RAPGEF4: variants seen among roughly 807,000 people sequenced by gnomAD.
The protein encoded by RAPGEF4 is Rap guanine nucleotide exchange factor 4.
Under a neutral mutation model 147.9 loss-of-function variants are expected in RAPGEF4, and 66 were observed. The ratio of observed to expected loss-of-function variants is 0.45; its 90% CI spans 0.37 to 0.55. The LOEUF (loss-of-function observed/expected upper bound fraction) is 0.55. Among genes scored for constraint, RAPGEF4 ranks in the 20% least tolerant of loss-of-function variants. RAPGEF4 has a pLI of 0.00. For synonymous variants in RAPGEF4, 419 were observed against 442.7 expected (o/e 0.95, Z 0.67); for missense variants, 1,071 against 1,257.3 (o/e 0.85, Z 2.24).
At chr2:172,746,595 C>A (rs1694793616) in intron 1 of RAPGEF4, among the ~76,000 whole-genome samples, 1 of 151,830 alleles carries the variant, frequency 6.6e-6, no homozygotes, top group African/African-American at 2.4e-5. Flanking sequence ...GGATGACTTG[C>A]TGTATAGAAA....
At chr2:172,896,577 A>ACCCCCC (rs569045502) in intron 4 of RAPGEF4, among the ~76,000 whole-genome samples, 1 of 135,790 alleles carries the variant, frequency 7.4e-6, no homozygotes, top group Admixed American at 7.5e-5. Context: ...ACACCATCCC[A>ACCCCCC]CCCCCCCCCA....
At chr2:172,931,384 T>A (rs1685958098) in intron 6 of RAPGEF4, among the ~76,000 whole-genome samples, 1 of 152,162 alleles carries the variant, frequency 6.6e-6, no homozygotes, top group African/African-American at 2.4e-5. Flanking sequence ...CTGGTGTAAG[T>A]GGAGATTGGG....
chr2:172,893,452 C>T (rs904608612), intron 4 of RAPGEF4, among the ~76,000 whole-genome samples: 15 of 152,300 alleles, frequency 9.8e-5, no homozygotes, highest in East Asian at 3.9e-4. Context: ...CCCCATTCCC[C>T]GTAAAGTTTG....
chr2:172,873,423 T>G (rs1455586105), intron 4 of RAPGEF4, among the ~76,000 whole-genome samples: 3 of 152,244 alleles, frequency 2.0e-5, no homozygotes, highest in Non-Finnish European at 4.4e-5. Flanking sequence ...AACCTTGGCA[T>G]AGTCTTTAGA....
At chr2:172,867,107 G>C (rs1421740730) in intron 4 of RAPGEF4, among the ~76,000 whole-genome samples, 2 of 151,764 alleles carry the variant, frequency 1.3e-5, no homozygotes, top group Non-Finnish European at 1.5e-5. Context: ...TAGTAGCTGG[G>C]ATTGCAGGCG....
At chr2:172,800,262 C>T (rs1485173922) in intron 3 of RAPGEF4, among the ~76,000 whole-genome samples, 1 of 152,196 alleles carries the variant, frequency 6.6e-6, no homozygotes, top group African/African-American at 2.4e-5. Flanking sequence ...CACCCTCTAG[C>T]CCTCTAGAGT....
intron 3 of RAPGEF4, among the ~76,000 whole-genome samples, chr2:172,799,784 G>C (rs1011027873): frequency 6.6e-6 from 1 of 151,436 alleles, no homozygotes. Flanking sequence ...GAGAAGGAGA[G>C]AGAAGGAGAA....
At chr2:173,046,229 A>G (rs530999526) in intron 29 of RAPGEF4, among the ~76,000 whole-genome samples, 1 of 152,370 alleles carries the variant, frequency 6.6e-6, no homozygotes, top group South Asian at 2.1e-4. Flanking sequence ...TCAAAGATTT[A>G]GAAAGGTAGA....
At chr2:173,021,809 C>G (rs1223148245) in intron 23 of RAPGEF4, among the ~76,000 whole-genome samples, 1 of 152,054 alleles carries the variant, frequency 6.6e-6, no homozygotes, top group Non-Finnish European at 1.5e-5. Flanking sequence ...TTTGTGCACT[C>G]CAGTGAGGAT....
At chr2:173,046,291 A>G (rs1490985290) in intron 29 of RAPGEF4, among the ~76,000 whole-genome samples, 1 of 152,262 alleles carries the variant, frequency 6.6e-6, no homozygotes, top group African/African-American at 2.4e-5. Context: ...CTCACATTTT[A>G]AACTACATGA....
In RAPGEF4 at chr2:172,985,452, G is replaced by T; in HGVS notation, c.1109G>T (p.Gly370Val). The T allele has an allele frequency of 6.2e-7, 1 of 1,614,020 alleles. No homozygotes were observed. Among genetic ancestry groups the T allele is most frequent in the East Asian group, 2.2e-5 (1 of 44,870 alleles). ...TTCTAGGTGAAACGAGAGTTAGCAG[G>T]TGTTCTCATTTTTGAGTCTCACGCC... ...LSTTVKRELA[G>V]VLIFESHAKG... Residue 370 changes from glycine (G) to valine (V), a missense_variant, in exon 12 of 31, where the codon GGT (glycine) becomes GTT (valine). Coordinates refer to ENST00000397081, the MANE Select transcript of RAPGEF4 (RefSeq NM_007023.4).
At chr2:172,925,161 A>G (rs1355167360) in intron 6 of RAPGEF4, among the ~76,000 whole-genome samples, 1 of 152,122 alleles carries the variant, frequency 6.6e-6, no homozygotes, top group African/African-American at 2.4e-5. Context: ...TTCTATTTTT[A>G]GTAGAGACAG....
At chr2:172,923,364 A>T (rs981060392) in intron 6 of RAPGEF4, among the ~76,000 whole-genome samples, 6 of 151,984 alleles carry the variant, frequency 3.9e-5, no homozygotes, top group Non-Finnish European at 8.8e-5. Context: ...TGCCTCCCGG[A>T]TTCAAGTGAT....
intron 4 of RAPGEF4, among the ~76,000 whole-genome samples, chr2:172,905,158 C>A (rs1013016487): frequency 6.6e-6 from 1 of 152,146 alleles, no homozygotes; most frequent in Non-Finnish European, 1.5e-5. Flanking sequence ...CTCTGACTCC[C>A]AAATCTGAAT....
chr2:172,984,913 A>AT (rs76573603), intron 11 of RAPGEF4, among the ~76,000 whole-genome samples: 3 of 151,980 alleles, frequency 2.0e-5, no homozygotes, highest in African/African-American at 7.3e-5. Context: ...GTAATTTGGA[A>AT]TTTTTTTTTA....
chr2:172,855,138 A>G lies in RAPGEF4; in HGVS notation c.444+40713A>G, dbSNP rs374381031. On this transcript the variant is annotated intron_variant, in intron 4 of 30. Transcript: ENST00000397081. ...CTAGAAGTAGATCTTTTACTTCTAG[A>G]AGTAGGCACCTTCATGGCTGCCACA... Among the ~76,000 whole-genome samples the G allele has an allele frequency of 1.3e-3, 201 of 152,272 alleles. No homozygotes were observed. The South Asian group carries it at 0.017, about 13-fold the overall frequency.
intron 17 of RAPGEF4, among the ~76,000 whole-genome samples, chr2:173,011,409 AT>A (rs1186840546): frequency 1.3e-5 from 2 of 151,958 alleles, no homozygotes; most frequent in African/African-American, 4.8e-5. Flanking sequence ...TTCTCTCTGA[AT>A]CTCCTTTTCC....
At chr2:172,798,984 G>A (rs1038250268) in intron 3 of RAPGEF4, among the ~76,000 whole-genome samples, 1 of 152,160 alleles carries the variant, frequency 6.6e-6, no homozygotes, top group East Asian at 1.9e-4. Flanking sequence ...TCCTCTTGCT[G>A]TCTCTCACAG....
At chr2:172,736,875 T>C (rs1375675114) in intron 1 of RAPGEF4, among the ~76,000 whole-genome samples, 1 of 152,240 alleles carries the variant, frequency 6.6e-6, no homozygotes, top group Non-Finnish European at 1.5e-5. Flanking sequence ...GCAAGAAATC[T>C]TGCAGAGTGA....
Sources: allele counts gnomAD v4.1 joint callset (sites outside exome capture counted in the v4.1 genomes callset), GRCh38; gene constraint gnomAD v4.1.1; transcripts MANE v1.5; gene names NCBI Gene and HGNC (gene_info 2026-07-23, HGNC 2026-07-21).